The following NDFIP2 variants were observed in gnomAD, a reference collection of about 807,000 sequenced individuals.
NDFIP2 encodes NEDD4 family-interacting protein 2.
Under a neutral mutation model 36.0 loss-of-function variants are expected in NDFIP2, and 19 were observed. The observed-to-expected ratio is 0.53, with a 90% confidence interval of 0.37 to 0.77. The LOEUF is 0.77. Among genes scored for constraint, NDFIP2 ranks in the 30% least tolerant of loss-of-function variants. NDFIP2 has a pLI of 0.00. For missense variants in NDFIP2, 446 were observed against 435.8 expected (o/e 1.02, Z -0.21); for synonymous variants, 181 against 167.7 (o/e 1.08, Z -0.61).
Position 79,555,530 on chromosome 13 carries a change from A to G in NDFIP2, c.*3017A>G, listed in dbSNP as rs1876079156. The G allele has an allele frequency of 2.0e-5, 3 of 152,042 alleles. No homozygotes were observed. In the South Asian group the frequency reaches 6.2e-4, roughly 32 times the overall value. 9.4% of individuals were successfully genotyped at this position (152,042 alleles called of 1,614,324 possible). On this transcript the variant is annotated 3_prime_UTR_variant, in exon 8 of 8. Coordinates refer to ENST00000218652, the MANE Select transcript of NDFIP2 (RefSeq NM_019080.3). ...AGGGCAGGAGCCAGTTATTATTGCC[A>G]CAGTGTTTTCTAATGAACCATTTGG... is the stretch of plus-strand genomic sequence containing the variant.
rs1875945716 is a variant in NDFIP2, at chr13:79,552,500, CCTT to C, written c.*3-12_*3-10del. The C allele has an allele frequency of 6.6e-6, 1 of 151,780 alleles. No individual in the cohort carries two copies. Among genetic ancestry groups the C allele is most frequent in the Admixed American group, 6.6e-5 (1 of 15,168 alleles). The allele number at this position is 151,780 out of a possible 1,614,324, so 9.4% of individuals were successfully genotyped here. A position where few individuals can be genotyped will look rare whatever the true frequency, so the allele number is the denominator to read the frequency against. ...AACTTAATACATTTTAAGACTAATT[CCTT>C]CTTTGTCTCCAGACTGCATCAACCC... On this transcript the variant is annotated splice_polypyrimidine_tract_variant and intron_variant, in intron 7 of 7. Transcript: ENST00000218652.
intron 5 of NDFIP2, among the ~76,000 whole-genome samples, 189 bp from the exon 6 acceptor site, chr13:79,548,138 AG>A (rs1262770367): frequency 6.6e-6 from 1 of 152,092 alleles, no homozygotes; most frequent in Non-Finnish European, 1.5e-5. Flanking sequence ...CTATTGCATA[AG>A]ATGATTTTTT....
intron 1 of NDFIP2, among the ~76,000 whole-genome samples, chr13:79,505,874 G>T (rs117515623): frequency 0.05 from 7,534 of 151,994 alleles, 250 homozygotes; most frequent in Middle Eastern, 0.13. Context: ...GTGGATACAT[G>T]CTGGTATTTA....
At chr13:79,484,174 C>T (rs1018519962) in intron 1 of NDFIP2, among the ~76,000 whole-genome samples, 4 of 151,916 alleles carry the variant, frequency 2.6e-5, no homozygotes, top group Admixed American at 1.3e-4. Context: ...GTGCACCACA[C>T]CTGGCTAATT....
chr13:79,547,721 C>T (rs1291388663), intron 5 of NDFIP2, among the ~76,000 whole-genome samples: 1 of 152,034 alleles, frequency 6.6e-6, no homozygotes, highest in Non-Finnish European at 1.5e-5. Flanking sequence ...TGAAATGCCA[C>T]TTTAAGGTTC....
chr13:79,501,417 A>T (rs930073858), intron 1 of NDFIP2, among the ~76,000 whole-genome samples: 3 of 151,974 alleles, frequency 2.0e-5, no homozygotes, highest in Non-Finnish European at 4.4e-5. Context: ...AAGGGGGTGT[A>T]TGGGAAAGCT....
At chr13:79,517,537 A>C (rs769938361) in intron 1 of NDFIP2, among the ~76,000 whole-genome samples, 2 of 152,210 alleles carry the variant, frequency 1.3e-5, no homozygotes, top group Non-Finnish European at 2.9e-5. Flanking sequence ...AAGATATCAA[A>C]ATTACAGAAT....
At chr13:79,522,208 A>T (rs940078384) in intron 2 of NDFIP2, among the ~76,000 whole-genome samples, 3 of 152,150 alleles carry the variant, frequency 2.0e-5, no homozygotes, top group Non-Finnish European at 4.4e-5. Flanking sequence ...TTTTATGTTG[A>T]TAACAATTTT....
At chr13:79,542,819 C>T (rs1174032040) in intron 4 of NDFIP2, among the ~76,000 whole-genome samples, 1 of 151,726 alleles carries the variant, frequency 6.6e-6, no homozygotes, top group Non-Finnish European at 1.5e-5. Context: ...GTAATTACAG[C>T]TGAGGAAACC....
intron 4 of NDFIP2, 134 bp downstream of exon 4, chr13:79,539,909 T>C (rs1875390996): frequency 4.5e-6 from 3 of 673,502 alleles, no homozygotes; most frequent in African/African-American, 3.6e-5. Flanking sequence ...GTTCCTGATA[T>C]TGGACTAATG....
At chr13:79,542,888 T>G (rs1033039076) in intron 4 of NDFIP2, among the ~76,000 whole-genome samples, 3 of 152,032 alleles carry the variant, frequency 2.0e-5, no homozygotes, top group Admixed American at 1.3e-4. Context: ...TTTTCCTTTT[T>G]TTTTTTGAGC....
In NDFIP2 at chr13:79,553,867, G is replaced by A. The variant is rs557542407; in HGVS notation, c.*1354G>A. The A allele has an allele frequency of 6.6e-6, 1 of 151,946 alleles. No individual in the cohort carries two copies. The highest frequency in any genetic ancestry group is 1.9e-4 in the East Asian group (1 of 5,174). 9.4% of individuals were successfully genotyped at this position (151,946 alleles called of 1,614,324 possible). A position where few individuals can be genotyped will look rare whatever the true frequency, so the allele number is the denominator to read the frequency against. ...TTGAATACCAACATTTAAAATGATG[G>A]TATTTTATCTTTTAAACTTAAAAAT... On this transcript the variant is annotated 3_prime_UTR_variant, in exon 8 of 8. Coordinates refer to ENST00000218652, the MANE Select transcript of NDFIP2 (RefSeq NM_019080.3).
intron 1 of NDFIP2, among the ~76,000 whole-genome samples, chr13:79,487,218 G>T (rs997860095): frequency 6.6e-6 from 1 of 151,954 alleles, no homozygotes; most frequent in African/African-American, 2.4e-5. Context: ...CCCCCCAGGT[G>T]ACTGTTCTGA....
chr13:79,487,372 A>C (rs1577418), intron 1 of NDFIP2, among the ~76,000 whole-genome samples: 62,068 of 152,016 alleles, frequency 0.41, 13,501 homozygotes, highest in East Asian at 0.7. Flanking sequence ...TTTATCATAT[A>C]GTTTTCATCG....
At chr13:79,514,343 T>C (rs1367713216) in intron 1 of NDFIP2, among the ~76,000 whole-genome samples, 1 of 152,202 alleles carries the variant, frequency 6.6e-6, no homozygotes, top group Non-Finnish European at 1.5e-5. Context: ...TAACGGAAGC[T>C]GAAGCAGAGT....
intron 2 of NDFIP2, among the ~76,000 whole-genome samples, chr13:79,526,559 G>C (rs943117679): frequency 6.6e-6 from 1 of 152,160 alleles, no homozygotes; most frequent in African/African-American, 2.4e-5. Flanking sequence ...AAGCTGGAGA[G>C]TTATGAGAAA....
intron 4 of NDFIP2, among the ~76,000 whole-genome samples, chr13:79,539,988 G>A (rs141485614): frequency 4.8e-3 from 724 of 152,246 alleles, no homozygotes; most frequent in Non-Finnish European, 8.3e-3. Flanking sequence ...AAATTTATGC[G>A]TTGCAGCCAT....
chr13:79,527,372 T>C (rs17071558), intron 2 of NDFIP2, among the ~76,000 whole-genome samples: 10,219 of 152,268 alleles, frequency 0.067, 724 homozygotes, highest in African/African-American at 0.18. Flanking sequence ...AAGAAATAGA[T>C]GAACATTTCC....
intron 2 of NDFIP2, among the ~76,000 whole-genome samples, chr13:79,529,854 T>C (rs1175193045): frequency 6.6e-6 from 1 of 152,268 alleles, no homozygotes; most frequent in African/African-American, 2.4e-5. Context: ...TATTGCTGGT[T>C]CATTTTCAGA....
Sources: gnomAD v4.1 joint callset for allele counts (sites outside exome capture counted in the v4.1 genomes callset) on GRCh38, gnomAD v4.1.1 for gene constraint, MANE v1.5 for transcripts, NCBI Gene and HGNC (gene_info 2026-07-23, HGNC 2026-07-21) for gene names.